IFT88: variants seen among roughly 807,000 people sequenced by gnomAD.
IFT88 encodes the protein intraflagellar transport 88.
Under a neutral mutation model 119.5 loss-of-function variants are expected in IFT88, and 74 were observed. The ratio of observed to expected loss-of-function variants is 0.62; its 90% CI spans 0.51 to 0.75. The LOEUF is 0.75. Ranked by LOEUF, IFT88 falls within the 30% of genes least tolerant of loss-of-function variation. The pLI, the probability that IFT88 is intolerant of heterozygous loss-of-function variation, is 0.00. For missense variants in IFT88, 961 were observed against 977.7 expected (o/e 0.98, Z 0.23); for synonymous variants, 279 against 316.7 (o/e 0.88, Z 1.26).
chr13:20,659,419 A>G (rs1447490671), intron 22 of IFT88, among the ~76,000 whole-genome samples: 1 of 152,084 alleles, frequency 6.6e-6, no homozygotes, highest in Non-Finnish European at 1.5e-5. Flanking sequence ...GCTTGAACCC[A>G]GGAGTTCCAA....
chr13:20,626,043 C>CTTTCTTTTTTTTT (rs2047249498), intron 15 of IFT88, among the ~76,000 whole-genome samples, 194 bp downstream of exon 15: 8 of 39,540 alleles, frequency 2.0e-4, no homozygotes, highest in African/African-American at 2.3e-4. Flanking sequence ...TTTGTCGTTT[C>CTTTCTTTTTTTTT]TTTTTTTTTT....
chr13:20,655,434 T>C (rs2052586608), intron 21 of IFT88, among the ~76,000 whole-genome samples: 3 of 120,950 alleles, frequency 2.5e-5, no homozygotes, highest in Non-Finnish European at 3.6e-5. Flanking sequence ...AGAACAAGAC[T>C]CCATCTCAAA....
At chr13:20,637,531 T>A (rs2049202459) in intron 16 of IFT88, among the ~76,000 whole-genome samples, 1 of 152,170 alleles carries the variant, frequency 6.6e-6, no homozygotes, top group Non-Finnish European at 1.5e-5. Context: ...TCTGTGCAGC[T>A]GCCTCCTCTG....
chr13:20,627,723 T>G (rs2047562196), intron 15 of IFT88, among the ~76,000 whole-genome samples: 1 of 81,552 alleles, frequency 1.2e-5, no homozygotes, highest in Non-Finnish European at 2.2e-5. Flanking sequence ...AGAGCGAGAC[T>G]TCATCTCAAA....
intron 22 of IFT88, among the ~76,000 whole-genome samples, chr13:20,662,193 G>A (rs1408243790): frequency 6.6e-6 from 1 of 152,106 alleles, no homozygotes; most frequent in African/African-American, 2.4e-5. Context: ...AGGTTCTGGA[G>A]TAGACCTCCA....
At chr13:20,597,658 G>A (rs1178753966) in intron 9 of IFT88, among the ~76,000 whole-genome samples, 2 of 151,690 alleles carry the variant, frequency 1.3e-5, no homozygotes, top group African/African-American at 4.8e-5. Context: ...GCAGGAGAAT[G>A]GCGTGAACCC....
At chr13:20,567,924 C>A (rs1283399808) in intron 1 of IFT88, 3 of 686,552 alleles carry the variant, frequency 4.4e-6, no homozygotes, top group African/African-American at 3.5e-5. Flanking sequence ...CAAGGGTGTC[C>A]AATCTTTGGC....
chr13:20,585,021 C>A (rs1289147944), intron 3 of IFT88, among the ~76,000 whole-genome samples: 1 of 152,214 alleles, frequency 6.6e-6, no homozygotes, highest in African/African-American at 2.4e-5. Context: ...GATGAAGTGT[C>A]CTTCTGCTGT....
intron 18 of IFT88, chr13:20,641,608 G>A: frequency 2.6e-6 from 1 of 392,116 alleles, no homozygotes; most frequent in South Asian, 5.6e-5. Context: ...GGAATTAATG[G>A]TTAAAACTAT....
intron 3 of IFT88, among the ~76,000 whole-genome samples, chr13:20,588,214 C>T (rs1050645668): frequency 6.6e-6 from 1 of 151,810 alleles, no homozygotes; most frequent in Admixed American, 6.6e-5. Context: ...TGGACAGTGC[C>T]AGGATTTTAT....
intron 20 of IFT88, among the ~76,000 whole-genome samples, chr13:20,650,900 G>A (rs2051544105): frequency 6.6e-6 from 1 of 152,132 alleles, no homozygotes; most frequent in African/African-American, 2.4e-5. Flanking sequence ...GATTAATTTA[G>A]CCATGAAGGC....
chr13:20,677,778 G>C (rs2056860358), intron 24 of IFT88, among the ~76,000 whole-genome samples: 1 of 152,118 alleles, frequency 6.6e-6, no homozygotes, highest in South Asian at 2.1e-4. Flanking sequence ...AGACCAAAAA[G>C]CTTTTACAAA....
chr13:20,688,271 C>T (rs1284874847), intron 24 of IFT88, among the ~76,000 whole-genome samples: 1 of 152,138 alleles, frequency 6.6e-6, no homozygotes, highest in Non-Finnish European at 1.5e-5. Context: ...CGATTGAACC[C>T]GGGAGGTGGA....
chr13:20,681,555 A>G (rs2057322606), intron 24 of IFT88, among the ~76,000 whole-genome samples: 1 of 152,260 alleles, frequency 6.6e-6, no homozygotes. Flanking sequence ...CTAGCGTTAG[A>G]TATTTCAGTA....
At chr13:20,615,017 A>G (rs920223482) in intron 13 of IFT88, among the ~76,000 whole-genome samples, 3 of 152,056 alleles carry the variant, frequency 2.0e-5, no homozygotes, top group Non-Finnish European at 2.9e-5. Flanking sequence ...GGGTTTCACC[A>G]TGTTAGCCAG....
chr13:20,660,113 GT>G, intron 22 of IFT88, among the ~76,000 whole-genome samples: 1 of 152,304 alleles, frequency 6.6e-6, no homozygotes, highest in African/African-American at 2.4e-5. Flanking sequence ...AACAAATAAT[GT>G]CAGTAGTTAT....
chr13:20,617,045 G>A (rs953672968), intron 14 of IFT88, among the ~76,000 whole-genome samples: 12 of 152,018 alleles, frequency 7.9e-5, no homozygotes, highest in African/African-American at 2.7e-4. Context: ...CTGGGTTCTC[G>A]CCATTCTCCT....
chr13:20,585,735 C>T (rs2039546380), intron 3 of IFT88, among the ~76,000 whole-genome samples: 1 of 152,196 alleles, frequency 6.6e-6, no homozygotes, highest in South Asian at 2.1e-4. Flanking sequence ...AAATCATTTC[C>T]TAGGAGCCAA....
At chr13:20,677,248 C>T (rs1163002620) in intron 24 of IFT88, among the ~76,000 whole-genome samples, 1 of 151,850 alleles carries the variant, frequency 6.6e-6, no homozygotes, top group African/African-American at 2.4e-5. Context: ...TTAATATATT[C>T]CTGTTAGGTT....
Sources: gnomAD v4.1 joint callset for allele counts (sites outside exome capture counted in the v4.1 genomes callset) on GRCh38, gnomAD v4.1.1 for gene constraint, MANE v1.5 for transcripts, NCBI Gene and HGNC (gene_info 2026-07-23, HGNC 2026-07-21) for gene names.